CEP83: variants seen among roughly 807,000 people sequenced by gnomAD.
The protein encoded by CEP83 is centrosomal protein of 83 kDa.
Under a neutral mutation model 101.9 loss-of-function variants are expected in CEP83, and 70 were observed. That is an observed-to-expected ratio of 0.69 (90% CI 0.57 to 0.84). The LOEUF is 0.84. CEP83 is among the 40% of genes least tolerant of loss of function. The pLI is 0.00. For synonymous variants in CEP83, 264 were observed against 267.9 expected, an observed-to-expected ratio of 0.99 and a Z score of 0.14; for missense variants, 715 against 787.2, an observed-to-expected ratio of 0.91 and a Z score of 1.10.
At chr12:94,289,882 A>T in the CEP83 span, among the ~76,000 whole-genome samples, 1 of 152,152 alleles carries the variant, frequency 6.6e-6, no homozygotes, top group South Asian at 2.1e-4. Context: ...CACTAATAAA[A>T]TGTTTCTACA....
At chr12:94,337,547 T>C (rs2059502160) in intron 11 of CEP83, among the ~76,000 whole-genome samples, 1 of 152,128 alleles carries the variant, frequency 6.6e-6, no homozygotes, top group South Asian at 2.1e-4. Flanking sequence ...GTGCTGTAAA[T>C]TTAGGAGTAA....
chr12:94,348,237 G>A (rs151063100), intron 11 of CEP83, among the ~76,000 whole-genome samples: 26 of 151,908 alleles, frequency 1.7e-4, no homozygotes, highest in South Asian at 4.1e-4. Context: ...AAAAAAAAGA[G>A]GTCTACTTTT....
chr12:94,459,355 G>T (rs1353577958), intron 1 of CEP83, among the ~76,000 whole-genome samples: 3 of 152,090 alleles, frequency 2.0e-5, no homozygotes, highest in Non-Finnish European at 4.4e-5. Context: ...TTACCAAACT[G>T]GCTACACAAC....
chr12:94,322,947 A>G (rs946707229), intron 14 of CEP83, among the ~76,000 whole-genome samples: 8 of 152,198 alleles, frequency 5.3e-5, no homozygotes, highest in African/African-American at 1.4e-4. Flanking sequence ...AGGGTCTGGG[A>G]CCTGCATAAA....
intron 1 of CEP83, among the ~76,000 whole-genome samples, chr12:94,437,181 T>TAA (rs748231815): frequency 7.4e-6 from 1 of 134,916 alleles, no homozygotes; most frequent in Admixed American, 7.4e-5. Flanking sequence ...CCAACTAAAC[T>TAA]AAAAAAAAAA....
the CEP83 span, among the ~76,000 whole-genome samples, chr12:94,299,745 A>AGAT: frequency 1.3e-5 from 2 of 152,186 alleles, no homozygotes; most frequent in Admixed American, 1.3e-4. Flanking sequence ...ACTTTTTGTG[A>AGAT]GATGAGGTCT....
chr12:94,427,079 T>C (rs970954870), intron 2 of CEP83, among the ~76,000 whole-genome samples: 12 of 152,252 alleles, frequency 7.9e-5, no homozygotes, highest in Admixed American at 2.6e-4. Flanking sequence ...TATTTACTTA[T>C]AAAAAGGTTT....
chr12:94,383,144 T>A (rs967411628), intron 6 of CEP83, among the ~76,000 whole-genome samples: 1 of 152,086 alleles, frequency 6.6e-6, no homozygotes, highest in African/African-American at 2.4e-5. Flanking sequence ...TTCTTTGTTA[T>A]TTTCCTTTGC....
At chr12:94,353,994 C>A (rs2060323652) in intron 11 of CEP83, among the ~76,000 whole-genome samples, 2 of 151,746 alleles carry the variant, frequency 1.3e-5, no homozygotes, top group South Asian at 4.2e-4. Flanking sequence ...TATATTAAAG[C>A]AAATATAATT....
intron 1 of CEP83, among the ~76,000 whole-genome samples, chr12:94,459,248 C>T (rs962669427): frequency 6.6e-6 from 1 of 152,178 alleles, no homozygotes; most frequent in African/African-American, 2.4e-5. Context: ...TGACAGTCGA[C>T]ATCACTGTTC....
chr12:94,420,576 G>T (rs990493816), intron 2 of CEP83, among the ~76,000 whole-genome samples: 10 of 151,832 alleles, frequency 6.6e-5, no homozygotes, highest in South Asian at 4.2e-4. Context: ...GTTTTGCATG[G>T]TTTTTTTTGT....
At chr12:94,337,302 G>C (rs1245794609) in intron 11 of CEP83, among the ~76,000 whole-genome samples, 1 of 152,176 alleles carries the variant, frequency 6.6e-6, no homozygotes, top group Non-Finnish European at 1.5e-5. Context: ...AACTAAGTAA[G>C]AGCACCATTG....
chr12:94,432,110 A>G (rs571176724), intron 2 of CEP83, among the ~76,000 whole-genome samples: 1 of 150,878 alleles, frequency 6.6e-6, no homozygotes, highest in Admixed American at 6.6e-5. Flanking sequence ...GCTGGAGTGC[A>G]GTGGCGCGAT....
the CEP83 span, among the ~76,000 whole-genome samples, chr12:94,295,962 C>T: frequency 1.3e-5 from 2 of 152,326 alleles, no homozygotes; most frequent in South Asian, 4.1e-4. Flanking sequence ...TACCAACCTA[C>T]CTGCACCTGC....
chr12:94,348,005 C>T (rs1170265019), intron 11 of CEP83, among the ~76,000 whole-genome samples: 1 of 151,844 alleles, frequency 6.6e-6, no homozygotes, highest in Non-Finnish European at 1.5e-5. Context: ...AAATGGGAAA[C>T]CAGTCGATCT....
chr12:94,268,469 G>A, the CEP83 span, among the ~76,000 whole-genome samples: 6 of 152,108 alleles, frequency 3.9e-5, no homozygotes, highest in Non-Finnish European at 7.4e-5. Flanking sequence ...GAGACAGAAT[G>A]CCCTGATATC....
chr12:94,413,134 G>A (rs1001753530), intron 2 of CEP83, among the ~76,000 whole-genome samples: 1 of 152,192 alleles, frequency 6.6e-6, no homozygotes, highest in South Asian at 2.1e-4. Context: ...GATTACAGGC[G>A]TGAGCCACCA....
intron 13 of CEP83, among the ~76,000 whole-genome samples, chr12:94,333,045 C>CAAAAAAAAAAAAAAAAAAAA (rs34900007): frequency 2.7e-5 from 2 of 73,176 alleles, no homozygotes; most frequent in African/African-American, 6.5e-5. Flanking sequence ...ATTTTAAGAC[C>CAAAAAAAAAAAAAAAAAAAA]AAAAAAAAAA....
At chr12:94,331,289 G>GAA (rs568464808) in intron 14 of CEP83, among the ~76,000 whole-genome samples, 42 of 43,792 alleles carry the variant, frequency 9.6e-4, no homozygotes, top group Admixed American at 4.0e-3. Flanking sequence ...CAGACTCTCA[G>GAA]AAAAAAAAAA....
Sources: allele counts gnomAD v4.1 joint callset (sites outside exome capture counted in the v4.1 genomes callset), GRCh38; gene constraint gnomAD v4.1.1; transcripts MANE v1.5; gene names NCBI Gene and HGNC (gene_info 2026-07-23, HGNC 2026-07-21).